Variants in GPC6 observed in about 807,000 individuals in gnomAD.
GPC6 encodes glypican-6.
Under a neutral mutation model 55.2 loss-of-function variants are expected in GPC6, and 14 were observed. The ratio of observed to expected loss-of-function variants is 0.25; its 90% confidence interval spans 0.17 to 0.40. GPC6 has a LOEUF of 0.40. Among genes scored for constraint, GPC6 ranks in the 10% least tolerant of loss-of-function variants. The probability of loss-of-function intolerance (pLI) is 1.00; values close to 1 mark genes in which losing one functional copy is unlikely to be tolerated. For synonymous variants in GPC6, 278 were observed against 259.6 expected (o/e 1.07, Z -0.68); for missense variants, 641 against 708.5 (o/e 0.90, Z 1.08).
chr13:93,762,151 A>T (rs1458627252), intron 2 of GPC6, among the ~76,000 whole-genome samples: 6 of 152,158 alleles, frequency 3.9e-5, no homozygotes, highest in African/African-American at 1.4e-4. Context: ...TCCCTGGCTT[A>T]TTTCACTTAA....
intron 7 of GPC6, among the ~76,000 whole-genome samples, chr13:94,384,100 T>C (rs1212521069): frequency 1.3e-5 from 2 of 152,198 alleles, no homozygotes; most frequent in Non-Finnish European, 2.9e-5. Context: ...ATGACATTAT[T>C]AACCATACCA....
At chr13:94,204,599 C>A (rs1594054880) in intron 4 of GPC6, among the ~76,000 whole-genome samples, 1 of 152,126 alleles carries the variant, frequency 6.6e-6, no homozygotes, top group South Asian at 2.1e-4. Flanking sequence ...CCAACACATA[C>A]AATAGTTATG....
At chr13:94,272,274 G>A (rs1283389506) in intron 4 of GPC6, among the ~76,000 whole-genome samples, 2 of 151,930 alleles carry the variant, frequency 1.3e-5, no homozygotes, top group Non-Finnish European at 2.9e-5. Flanking sequence ...TAGGTTGCAA[G>A]CCCTTGTACT....
At chr13:93,378,353 A>T (rs1447659757) in intron 1 of GPC6, among the ~76,000 whole-genome samples, 1 of 152,142 alleles carries the variant, frequency 6.6e-6, no homozygotes, top group African/African-American at 2.4e-5. Context: ...TTCTTCTATG[A>T]CAACATGATG....
intron 6 of GPC6, 148 bp downstream of exon 6, chr13:94,306,271 T>A: frequency 1.3e-6 from 1 of 798,212 alleles, no homozygotes; most frequent in Non-Finnish European, 2.2e-6. Context: ...TATTGAAAAG[T>A]AATGGGATCT....
At chr13:93,609,257 C>T (rs2139536691) in intron 2 of GPC6, among the ~76,000 whole-genome samples, 1 of 152,304 alleles carries the variant, frequency 6.6e-6, no homozygotes, top group Admixed American at 6.5e-5. Context: ...TTCTGTCGCA[C>T]AGGCTGGAGT....
intron 2 of GPC6, among the ~76,000 whole-genome samples, chr13:93,822,778 TC>T: frequency 6.6e-6 from 1 of 151,770 alleles, no homozygotes; most frequent in East Asian, 1.9e-4. Context: ...CATGAACTCA[TC>T]CTTTTTTATG....
intron 1 of GPC6, among the ~76,000 whole-genome samples, chr13:93,434,109 G>A (rs61964176): frequency 0.21 from 32,302 of 152,078 alleles, 4,019 homozygotes; most frequent in Middle Eastern, 0.32. Context: ...TGGCATCCAG[G>A]GACTGCTTTG....
chr13:93,718,704 G>A (rs143952842), intron 2 of GPC6, among the ~76,000 whole-genome samples: 68 of 152,170 alleles, frequency 4.5e-4, no homozygotes, highest in African/African-American at 1.5e-3. Context: ...TAATGGTATT[G>A]CCTAGGTTTT....
At chr13:94,260,006 A>G (rs1891612724) in intron 4 of GPC6, among the ~76,000 whole-genome samples, 1 of 152,192 alleles carries the variant, frequency 6.6e-6, no homozygotes, top group African/African-American at 2.4e-5. Flanking sequence ...GTACATGGGT[A>G]TATAGTATCT....
intron 1 of GPC6, among the ~76,000 whole-genome samples, chr13:93,486,610 T>G (rs1189199669): frequency 6.6e-6 from 1 of 152,200 alleles, no homozygotes; most frequent in Non-Finnish European, 1.5e-5. Flanking sequence ...TTTTGGCAAC[T>G]GACTGCTCTT....
At chr13:94,198,995 G>A (rs1889670144) in intron 4 of GPC6, among the ~76,000 whole-genome samples, 1 of 152,016 alleles carries the variant, frequency 6.6e-6, no homozygotes, top group Admixed American at 6.6e-5. Context: ...TTTCTTTCAT[G>A]AATCAGACAA....
At chr13:93,601,315 G>A (rs924461362) in intron 2 of GPC6, among the ~76,000 whole-genome samples, 1 of 151,516 alleles carries the variant, frequency 6.6e-6, no homozygotes. Context: ...ATGAGGAGGT[G>A]GAGGTTGCAG....
chr13:94,177,953 A>G, intron 4 of GPC6, among the ~76,000 whole-genome samples: 1 of 151,756 alleles, frequency 6.6e-6, no homozygotes, highest in East Asian at 1.9e-4. Flanking sequence ...TTTTCTTCCA[A>G]ATCTCTGTCT....
At chr13:93,828,472 A>C (rs1040266452) in intron 2 of GPC6, among the ~76,000 whole-genome samples, 2 of 152,162 alleles carry the variant, frequency 1.3e-5, no homozygotes, top group African/African-American at 4.8e-5. Flanking sequence ...AAGCAATATC[A>C]GCATACAGCA....
chr13:94,088,214 C>T (rs978663536), intron 4 of GPC6, among the ~76,000 whole-genome samples: 1 of 152,064 alleles, frequency 6.6e-6, no homozygotes, highest in African/African-American at 2.4e-5. Flanking sequence ...TGACTTTACA[C>T]AACACAACAA....
At chr13:94,112,360 T>A (rs994016724) in intron 4 of GPC6, among the ~76,000 whole-genome samples, 3 of 152,164 alleles carry the variant, frequency 2.0e-5, no homozygotes, top group East Asian at 1.9e-4. Context: ...TTCCTTGTAA[T>A]GTGCTAGGGT....
chr13:93,787,339 T>G (rs537582418), intron 2 of GPC6, among the ~76,000 whole-genome samples: 3 of 152,328 alleles, frequency 2.0e-5, no homozygotes, highest in South Asian at 4.1e-4. Flanking sequence ...ACTATTCAGC[T>G]CTGCCATTAA....
At chr13:94,219,663 T>G (rs747221815) in intron 4 of GPC6, among the ~76,000 whole-genome samples, 1 of 151,996 alleles carries the variant, frequency 6.6e-6, no homozygotes, top group African/African-American at 2.4e-5. Flanking sequence ...TTTAAGAAAA[T>G]AAAGGCTTTG....
Sources: gnomAD v4.1 joint callset for allele counts (sites outside exome capture counted in the v4.1 genomes callset) on GRCh38, gnomAD v4.1.1 for gene constraint, MANE v1.5 for transcripts, NCBI Gene and HGNC (gene_info 2026-07-23, HGNC 2026-07-21) for gene names.